The following MEGF11 variants were observed in gnomAD, a reference collection of about 807,000 sequenced individuals.
MEGF11 encodes multiple EGF like domains 11.
MEGF11 carries 126 observed loss-of-function variants against 146.6 expected under a neutral mutation model. The observed-to-expected ratio is 0.86, with a 90% CI of 0.74 to 1.00. The LOEUF (loss-of-function observed/expected upper bound fraction) is 1.00. Among genes scored for constraint, MEGF11 ranks in the 50% least tolerant of loss-of-function variants. The pLI, the probability that MEGF11 is intolerant of heterozygous loss-of-function variation, is 0.00. For synonymous variants in MEGF11, 532 were observed against 583.4 expected (o/e 0.91, Z 1.27); for missense variants, 1,509 against 1,521.2 (o/e 0.99, Z 0.13).
intron 5 of MEGF11, among the ~76,000 whole-genome samples, chr15:66,078,009 C>T (rs1264187908): frequency 6.6e-6 from 1 of 152,114 alleles, no homozygotes; most frequent in Non-Finnish European, 1.5e-5. Flanking sequence ...ATTGGCGTTT[C>T]AGTAGCCTCC....
intron 5 of MEGF11, among the ~76,000 whole-genome samples, chr15:66,060,641 C>T (rs2084863832): frequency 6.6e-6 from 1 of 152,210 alleles, no homozygotes; most frequent in Non-Finnish European, 1.5e-5. Context: ...CACTTGGCCC[C>T]CCCGCCATGG....
At chr15:66,086,634 C>A (rs1186606283) in intron 5 of MEGF11, among the ~76,000 whole-genome samples, 2 of 152,174 alleles carry the variant, frequency 1.3e-5, no homozygotes, top group Non-Finnish European at 2.9e-5. Flanking sequence ...CATTACCAAG[C>A]CACCACTACA....
intron 4 of MEGF11, among the ~76,000 whole-genome samples, chr15:66,095,043 A>G (rs1386514623): frequency 6.6e-6 from 1 of 152,222 alleles, no homozygotes. Context: ...ATGCAGAGGA[A>G]AAAAGCAACA....
chr15:66,116,876 G>T (rs1029605195), intron 4 of MEGF11, among the ~76,000 whole-genome samples: 1 of 152,172 alleles, frequency 6.6e-6, no homozygotes, highest in African/African-American at 2.4e-5. Flanking sequence ...GTTCAGAGAG[G>T]TAAAGCCTTG....
chr15:66,011,879 A>G (rs942502924), intron 5 of MEGF11, among the ~76,000 whole-genome samples: 2 of 152,178 alleles, frequency 1.3e-5, no homozygotes, highest in Non-Finnish European at 2.9e-5. Flanking sequence ...TGTTGAGAGA[A>G]AAAAGAACAC....
intron 4 of MEGF11, among the ~76,000 whole-genome samples, chr15:66,103,986 C>T (rs186197857): frequency 2.6e-5 from 4 of 152,228 alleles, no homozygotes; most frequent in Admixed American, 2.0e-4. Context: ...GTGGGTCCTT[C>T]GGCAGGTGAT....
At chr15:65,960,703 C>A (rs769175833) in intron 9 of MEGF11, among the ~76,000 whole-genome samples, 1 of 152,228 alleles carries the variant, frequency 6.6e-6, no homozygotes, top group African/African-American at 2.4e-5. Flanking sequence ...ATAGATGCTT[C>A]TGCTGTCTCT....
chr15:65,933,174 TC>T (rs1257146054), intron 10 of MEGF11, among the ~76,000 whole-genome samples: 1 of 152,158 alleles, frequency 6.6e-6, no homozygotes, highest in Admixed American at 6.5e-5. Context: ...TCCTGCTCTT[TC>T]CCCCACCAGT....
intron 10 of MEGF11, among the ~76,000 whole-genome samples, chr15:65,941,338 C>T (rs558438762): frequency 8.6e-5 from 13 of 151,956 alleles, no homozygotes; most frequent in Non-Finnish European, 1.8e-4. Context: ...ATAGCCTAAA[C>T]TTGGGAGGCT....
At chr15:65,977,730 T>C (rs1448073515) in intron 7 of MEGF11, among the ~76,000 whole-genome samples, 3 of 152,000 alleles carry the variant, frequency 2.0e-5, no homozygotes, top group African/African-American at 7.3e-5. Context: ...ATTTCCCAGC[T>C]CCTCAGCCTC....
intron 5 of MEGF11, among the ~76,000 whole-genome samples, chr15:66,080,665 G>A (rs1484347496): frequency 6.6e-6 from 1 of 152,240 alleles, no homozygotes; most frequent in Admixed American, 6.5e-5. Context: ...GAGGCCAGTG[G>A]TCCTGGCTAT....
chr15:66,020,527 A>C (rs555312817), intron 5 of MEGF11, among the ~76,000 whole-genome samples: 25 of 152,320 alleles, frequency 1.6e-4, no homozygotes, highest in African/African-American at 5.5e-4. Context: ...TGTCTTTTGC[A>C]ATAAAAAGTA....
chr15:66,008,503 C>T (rs571461026), intron 5 of MEGF11, among the ~76,000 whole-genome samples: 221 of 152,092 alleles, frequency 1.5e-3, no homozygotes, highest in Admixed American at 2.7e-3. Flanking sequence ...ATGCTTCTGC[C>T]CCTCAGGAGG....
At chr15:66,066,682 G>A (rs1469748815) in intron 5 of MEGF11, among the ~76,000 whole-genome samples, 1 of 152,192 alleles carries the variant, frequency 6.6e-6, no homozygotes, top group Non-Finnish European at 1.5e-5. Context: ...CACACCCCTA[G>A]GGGGGCTGGG....
chr15:66,158,446 C>G (rs928093774), intron 1 of MEGF11, among the ~76,000 whole-genome samples: 4 of 152,292 alleles, frequency 2.6e-5, no homozygotes, highest in African/African-American at 9.6e-5. Flanking sequence ...GCTGCCTGCT[C>G]TGCCCCTTGG....
At position 65,929,862 on chromosome 15, in the gene MEGF11, G is replaced by T. The variant is rs1216750519; in HGVS notation, c.1430C>A (p.Thr477Asn). The T allele has an allele frequency of 1.9e-6, 3 of 1,598,538 alleles. No homozygotes were observed. Among genetic ancestry groups the T allele is most frequent in the Non-Finnish European group, 2.6e-6 (3 of 1,172,944 alleles). Residue 477 changes from threonine (T) to asparagine (N), a missense_variant, in exon 12 of 26, where the codon ACC (threonine) becomes AAC (asparagine). By Grantham distance (65) the Thr-to-Asn change is moderately conservative. Transcript: ENST00000395614. ...CCACGTCCCACTGGGACATGGCAGG[G>T]TGCAGTCCAGGCCCTGCCACCCTGA... The part of the protein sequence containing the change: ...CKEGWQGLDC[T>N]LPCPSGTWGL...
At chr15:66,072,931 C>T (rs544397419) in intron 5 of MEGF11, among the ~76,000 whole-genome samples, 2 of 152,322 alleles carry the variant, frequency 1.3e-5, no homozygotes, top group South Asian at 4.1e-4. Context: ...GCAACTTTTG[C>T]AAGGGAACAG....
Position 65,982,171 on chromosome 15 carries a change from T to G in MEGF11, c.641+71A>C. On this transcript the variant is annotated intron_variant, in intron 6 of 25. Coordinates refer to ENST00000395614, the MANE Select transcript of MEGF11 (RefSeq NM_001385028.1). This position sits in a 1 kb window ranked among gnomAD's most constrained non-coding sequence, Gnocchi z 5.6. ...CCCAGCCCCTCCACCTCCTCTACCCTCCCCACCCAGGCACCCTCCAGGTCC... is the reference window on the plus strand; with the variant it reads ...CCCAGCCCCTCCACCTCCTCTACCCGCCCCACCCAGGCACCCTCCAGGTCC... The G allele has an allele frequency of 1.8e-5, 9 of 502,240 alleles. No homozygotes were observed. Among genetic ancestry groups the G allele is most frequent in the Non-Finnish European group, 2.4e-5 (9 of 380,710 alleles). 31.1% of individuals were successfully genotyped at this position (502,240 alleles called of 1,614,324 possible).
intron 1 of MEGF11, among the ~76,000 whole-genome samples, chr15:66,132,223 C>A (rs556596070): frequency 9.9e-5 from 15 of 151,876 alleles, no homozygotes; most frequent in Non-Finnish European, 2.1e-4. Flanking sequence ...GGAGGCCAGT[C>A]TCTCTCTCTG....
Sources: gnomAD v4.1 joint callset for allele counts (sites outside exome capture counted in the v4.1 genomes callset) on GRCh38, gnomAD v4.1.1 for gene constraint, Gnocchi (gnomAD v3.1) non-coding constraint, MANE v1.5 for transcripts, NCBI Gene and HGNC (gene_info 2026-07-23, HGNC 2026-07-21) for gene names.